The following SLC6A11 variants were observed in gnomAD, a reference collection of about 807,000 sequenced individuals.
SLC6A11 encodes the protein sodium- and chloride-dependent GABA transporter 3.
In SLC6A11, 25 loss-of-function variants were observed where a neutral mutation model predicts 74.8. The ratio of observed to expected loss-of-function variants is 0.33; its 90% CI spans 0.24 to 0.47. The LOEUF (loss-of-function observed/expected upper bound fraction) is 0.47. Among genes scored for constraint, SLC6A11 ranks in the 20% least tolerant of loss-of-function variants. The pLI is 1.00. For synonymous variants in SLC6A11, 330 were observed against 330.2 expected (o/e 1.00, Z 0.01); for missense variants, 574 against 837.0 (o/e 0.69, Z 3.88).
At chr3:10,842,704 C>T (rs1454901390) in intron 4 of SLC6A11, among the ~76,000 whole-genome samples, 1 of 152,070 alleles carries the variant, frequency 6.6e-6, no homozygotes, top group Non-Finnish European at 1.5e-5. Flanking sequence ...AACATAGTGC[C>T]TGGTGCCTAG....
intron 6 of SLC6A11, among the ~76,000 whole-genome samples, chr3:10,903,912 G>T (rs929608582): frequency 6.6e-6 from 1 of 152,234 alleles, no homozygotes; most frequent in African/African-American, 2.4e-5. Context: ...GTAGGAAAAA[G>T]AAGTAAAGCT....
chr3:10,890,235 A>G (rs558334550), intron 6 of SLC6A11, among the ~76,000 whole-genome samples: 10 of 152,310 alleles, frequency 6.6e-5, no homozygotes, highest in Non-Finnish European at 8.8e-5. Context: ...TGGAGCTTCA[A>G]TTGTGCCAGG....
chr3:10,930,372 T>C (rs1360564947), intron 10 of SLC6A11, among the ~76,000 whole-genome samples: 1 of 152,174 alleles, frequency 6.6e-6, no homozygotes, highest in African/African-American at 2.4e-5. Context: ...AGCCAGCCCT[T>C]GCTTGGCTTC....
intron 8 of SLC6A11, among the ~76,000 whole-genome samples, chr3:10,922,569 G>A (rs1695550942): frequency 6.6e-6 from 1 of 152,168 alleles, no homozygotes; most frequent in Non-Finnish European, 1.5e-5. Context: ...TACCTTCAGG[G>A]GTGGTCGGAA....
chr3:10,903,096 G>A (rs758003946), intron 6 of SLC6A11, among the ~76,000 whole-genome samples: 12 of 152,094 alleles, frequency 7.9e-5, no homozygotes, highest in South Asian at 2.1e-4. Context: ...TGGTGCTTTC[G>A]TGGCAGGATG....
intron 6 of SLC6A11, among the ~76,000 whole-genome samples, chr3:10,900,974 C>T (rs1695232799): frequency 6.6e-6 from 1 of 152,180 alleles, no homozygotes; most frequent in African/African-American, 2.4e-5. Flanking sequence ...GAATGGGAAA[C>T]TTCTAGCATT....
intron 10 of SLC6A11, among the ~76,000 whole-genome samples, chr3:10,930,946 C>T (rs1205175049): frequency 3.3e-5 from 5 of 152,200 alleles, no homozygotes; most frequent in Non-Finnish European, 7.3e-5. Context: ...GACTATCTGT[C>T]ATCAGTTGCA....
intron 8 of SLC6A11, 33 bp from the exon 9 acceptor site, chr3:10,925,971 A>T: frequency 8.2e-7 from 1 of 1,225,450 alleles, no homozygotes; most frequent in Non-Finnish European, 1.2e-6. Context: ...ATGGGACTCC[A>T]CCCAGTGGCT....
rs575453310 is a variant in SLC6A11, at chr3:10,852,992, G to T, written c.756+8646G>T. Among the ~76,000 whole-genome samples the T allele has an allele frequency of 1.3e-3, 194 of 152,198 alleles. 1 individual carries two copies. The highest frequency in any genetic ancestry group is 2.0e-3 in the Non-Finnish European group (139 of 68,034). ...AGTCAGGAGCCCTGCCCCGCCACTT[G>T]CCAACTGTGTGAGTTAGCGTGGGCC... On this transcript the variant is annotated intron_variant, in intron 5 of 13. Coordinates refer to ENST00000254488, the MANE Select transcript of SLC6A11 (RefSeq NM_014229.3).
rs193032315 is a variant in SLC6A11 at position 10,819,670 on chromosome 3, A to G, written c.392-42A>G. 692 of 1,611,260 alleles carry G rather than the reference A, an allele frequency of 4.3e-4. 5 individuals carry two copies. The East Asian group carries it at 0.013, about 31-fold the overall frequency. Reference sequence around the variant, plus strand: ...TCAACTGCAAAGGCAGATTGTTTTGAAAAGATAGACTCAAATTCCTTCCTT... The same window carrying G: ...TCAACTGCAAAGGCAGATTGTTTTGGAAAGATAGACTCAAATTCCTTCCTT... On this transcript the variant is annotated intron_variant, in intron 2 of 13. Transcript: ENST00000254488.
In SLC6A11 at chr3:10,844,850, G is replaced by A. The variant is rs183487888; in HGVS notation, c.756+504G>A. ...TGCCACCTGTACCATGCAGCCTCCA[G>A]GGTTGCTGCCTCACCAGGGAAGAGA... On this transcript the variant is annotated intron_variant, in intron 5 of 13. Coordinates refer to ENST00000254488, the MANE Select transcript of SLC6A11 (RefSeq NM_014229.3). 9.5e-4 allele frequency among the ~76,000 whole-genome samples: 145 copies of A among 152,318 alleles called. 11 individuals carry two copies. The East Asian group carries it at 0.019, about 19-fold the overall frequency.
At chr3:10,932,082 C>T (rs1184129894) in intron 10 of SLC6A11, among the ~76,000 whole-genome samples, 1 of 152,172 alleles carries the variant, frequency 6.6e-6, no homozygotes, top group Non-Finnish European at 1.5e-5. Context: ...ATTGCATCCT[C>T]TAAGGACCCT....
chr3:10,892,174 CCTT>C (rs1695114699), intron 6 of SLC6A11, among the ~76,000 whole-genome samples: 2 of 152,252 alleles, frequency 1.3e-5, no homozygotes, highest in South Asian at 2.1e-4. Context: ...CACTTGATGT[CCTT>C]CTCTGAAAAC....
intron 7 of SLC6A11, among the ~76,000 whole-genome samples, chr3:10,912,699 A>G (rs1249791945): frequency 1.3e-5 from 2 of 152,192 alleles, no homozygotes; most frequent in African/African-American, 2.4e-5. Context: ...GGTTCAGGTG[A>G]GGAGGCGAGC....
At position 10,914,949 on chromosome 3, in the gene SLC6A11, G is replaced by A. The variant is rs191118046; in HGVS notation, c.995+2756G>A. On this transcript the variant is annotated intron_variant, in intron 7 of 13. Coordinates refer to ENST00000254488, the MANE Select transcript of SLC6A11 (RefSeq NM_014229.3). ...GCTAGGCTGTCAGCACCATGAGGACGTGGGCTGGATGTTCTTGTTGTCTGC... is the reference window on the plus strand; with the variant it reads ...GCTAGGCTGTCAGCACCATGAGGACATGGGCTGGATGTTCTTGTTGTCTGC... Among the ~76,000 whole-genome samples the A allele has an allele frequency of 1.3e-4, 20 of 152,262 alleles. No individual in the cohort carries two copies. In the East Asian group the frequency reaches 1.7e-3, roughly 13 times the overall value.
At chr3:10,909,109 C>CA (rs34230224) in intron 6 of SLC6A11, among the ~76,000 whole-genome samples, 12,721 of 103,936 alleles carry the variant, frequency 0.12, 1,187 homozygotes, top group African/African-American at 0.27. Context: ...ACATCCCCAG[C>CA]AAAAAAAAAA....
intron 6 of SLC6A11, among the ~76,000 whole-genome samples, chr3:10,910,807 G>C (rs1695375901): frequency 6.7e-6 from 1 of 148,580 alleles, no homozygotes; most frequent in Non-Finnish European, 1.5e-5. Context: ...CTACCACATA[G>C]GGTTGCTGTG....
chr3:10,870,715 C>T (rs576456561), intron 5 of SLC6A11, among the ~76,000 whole-genome samples: 23 of 152,314 alleles, frequency 1.5e-4, no homozygotes, highest in African/African-American at 5.1e-4. Flanking sequence ...AGGCTATCCT[C>T]AGCATTGAAT....
chr3:10,828,497 T>G (rs1694247203), intron 4 of SLC6A11, among the ~76,000 whole-genome samples: 1 of 152,240 alleles, frequency 6.6e-6, no homozygotes, highest in African/African-American at 2.4e-5. Flanking sequence ...TGGTTCTTTC[T>G]GTGGGACTGG....
Sources: allele counts gnomAD v4.1 joint callset (sites outside exome capture counted in the v4.1 genomes callset), GRCh38; gene constraint gnomAD v4.1.1; transcripts MANE v1.5; gene names NCBI Gene and HGNC (gene_info 2026-07-23, HGNC 2026-07-21).